Variants in SYN2 observed in about 807,000 individuals in gnomAD.
The protein encoded by SYN2 is synapsin II.
SYN2 carries 19 observed loss-of-function variants against 50.9 expected under a neutral mutation model. That is an observed-to-expected ratio of 0.37 (90% CI 0.26 to 0.55). The LOEUF (loss-of-function observed/expected upper bound fraction) is 0.55. Ranked by LOEUF, SYN2 falls within the 20% of genes least tolerant of loss-of-function variation. SYN2 has a pLI of 0.81. For missense variants in SYN2, 587 were observed against 576.4 expected (o/e 1.02, Z -0.19); for synonymous variants, 255 against 224.9 (o/e 1.13, Z -1.20).
intron 1 of SYN2, among the ~76,000 whole-genome samples, chr3:12,119,521 C>A (rs1043939386): frequency 1.3e-5 from 2 of 152,094 alleles, no homozygotes; most frequent in Non-Finnish European, 2.9e-5. Flanking sequence ...GCTCCTTTTT[C>A]CCCCCTAACA....
At chr3:12,127,249 T>C (rs1418733736) in intron 1 of SYN2, among the ~76,000 whole-genome samples, 3 of 152,176 alleles carry the variant, frequency 2.0e-5, no homozygotes, top group African/African-American at 4.8e-5. Flanking sequence ...GCTGAAAGGA[T>C]GGACAAATTC....
Position 12,140,986 on chromosome 3 carries a change from G to T in SYN2, c.435+278G>T, listed in dbSNP as rs147348777. Among the ~76,000 whole-genome samples the T allele has an allele frequency of 1.2e-4, 19 of 152,146 alleles. No individual in the cohort carries two copies. The East Asian group carries it at 2.1e-3, about 17-fold the overall frequency. On this transcript the variant is annotated intron_variant, in intron 2 of 12. Coordinates refer to ENST00000621198, the MANE Select transcript of SYN2 (RefSeq NM_133625.6). ...TCTTAGCACCCTCTTGCAGTGTAAG[G>T]TTCCCAGACTGAGGAAAACTTTAGA...
At chr3:12,142,118 G>T (rs759733514) in intron 3 of SYN2, 122 bp downstream of exon 3, 6 of 630,094 alleles carry the variant, frequency 9.5e-6, no homozygotes, top group Non-Finnish European at 1.7e-5. Flanking sequence ...ATGGTATACA[G>T]AATTTAATGA....
chr3:12,106,831 AT>A (rs1211343050), intron 1 of SYN2, among the ~76,000 whole-genome samples: 5 of 152,188 alleles, frequency 3.3e-5, no homozygotes, highest in African/African-American at 1.2e-4. Context: ...TGTAGTTTTA[AT>A]AACATGATAG....
chr3:12,104,324 C>G (rs1443856935), intron 1 of SYN2, among the ~76,000 whole-genome samples: 4 of 152,000 alleles, frequency 2.6e-5, no homozygotes, highest in Middle Eastern at 3.4e-3. Flanking sequence ...TTAAAATAGC[C>G]TCAAAATAAA....
intron 1 of SYN2, among the ~76,000 whole-genome samples, chr3:12,129,212 G>A (rs546864431): frequency 4.6e-4 from 70 of 152,264 alleles, no homozygotes; most frequent in Middle Eastern, 3.4e-3. Flanking sequence ...AGAAACATAG[G>A]AGGGAATATG....
In SYN2 at chr3:12,072,006, A is replaced by G. The variant is rs543953051; in HGVS notation, c.377+67078A>G. On this transcript the variant is annotated intron_variant, in intron 1 of 12. Coordinates refer to ENST00000621198, the MANE Select transcript of SYN2 (RefSeq NM_133625.6). Reference sequence around the variant, plus strand: ...CAATTCTTCAAAGAGATGACAACAAATTTTGGTTTTCTACTGTTATGTGAG... The same window carrying G: ...CAATTCTTCAAAGAGATGACAACAAGTTTTGGTTTTCTACTGTTATGTGAG... Among the ~76,000 whole-genome samples, 26 of 152,276 alleles carry G rather than the reference A, an allele frequency of 1.7e-4. No homozygotes were observed. The South Asian group carries it at 5.2e-3, about 30-fold the overall frequency.
At chr3:12,184,339 G>A in intron 11 of SYN2, 1 of 985,850 alleles carries the variant, frequency 1.0e-6, no homozygotes, top group Non-Finnish European at 1.2e-6. Context: ...CGCTTGTGTG[G>A]ACCTGAGGCT....
intron 1 of SYN2, chr3:12,071,712 T>C (rs1358989579): frequency 3.3e-5 from 10 of 303,280 alleles, no homozygotes; most frequent in African/African-American, 2.0e-4. Flanking sequence ...CAGTATCCGA[T>C]CTGTGCAGGG....
intron 1 of SYN2, among the ~76,000 whole-genome samples, chr3:12,047,229 TAAG>T (rs1373959557): frequency 2.0e-5 from 3 of 152,128 alleles, no homozygotes; most frequent in Non-Finnish European, 4.4e-5. Flanking sequence ...TGGTCTTAGA[TAAG>T]AGGAGAGACA....
intron 1 of SYN2, among the ~76,000 whole-genome samples, chr3:12,010,789 G>T (rs986025398): frequency 4.6e-5 from 7 of 152,140 alleles, no homozygotes; most frequent in Non-Finnish European, 1.0e-4. Context: ...GTCAATAAAT[G>T]ACTAAACATT....
intron 3 of SYN2, among the ~76,000 whole-genome samples, chr3:12,142,704 C>A (rs981491882): frequency 1.3e-5 from 2 of 152,086 alleles, no homozygotes; most frequent in Non-Finnish European, 2.9e-5. Context: ...GGAGAGGGGG[C>A]GGCGGGAAAT....
chr3:12,090,940 G>A (rs1249373745), intron 1 of SYN2, among the ~76,000 whole-genome samples: 1 of 152,064 alleles, frequency 6.6e-6, no homozygotes, highest in African/African-American at 2.4e-5. Flanking sequence ...TGTAAATTTG[G>A]CATTCTATTC....
At chr3:12,134,097 T>C (rs1373366571) in intron 1 of SYN2, among the ~76,000 whole-genome samples, 1 of 141,982 alleles carries the variant, frequency 7.0e-6, no homozygotes, top group African/African-American at 3.1e-5. Flanking sequence ...TGGAAAATGT[T>C]GTTATGTCTG....
intron 4 of SYN2, among the ~76,000 whole-genome samples, chr3:12,150,847 C>T (rs960108968): frequency 6.6e-6 from 1 of 152,142 alleles, no homozygotes; most frequent in African/African-American, 2.4e-5. Flanking sequence ...TCATGCCTTG[C>T]GATCACTCAG....
At chr3:12,097,194 A>G (rs1425685682) in intron 1 of SYN2, among the ~76,000 whole-genome samples, 2 of 152,248 alleles carry the variant, frequency 1.3e-5, no homozygotes, top group African/African-American at 4.8e-5. Flanking sequence ...ATTATAAATC[A>G]TGCTGCTATA....
intron 11 of SYN2, chr3:12,184,055 G>T: frequency 7.1e-6 from 7 of 986,222 alleles, no homozygotes; most frequent in Non-Finnish European, 8.4e-6. Flanking sequence ...AAAATTTGGT[G>T]CAGTTTGAGT....
At chr3:12,099,613 A>G (rs1439533787) in intron 1 of SYN2, among the ~76,000 whole-genome samples, 1 of 152,144 alleles carries the variant, frequency 6.6e-6, no homozygotes, top group Non-Finnish European at 1.5e-5. Flanking sequence ...TTGAAAATTA[A>G]TAACCTAACT....
chr3:12,056,042 C>T (rs1467501976), intron 1 of SYN2, among the ~76,000 whole-genome samples: 1 of 152,104 alleles, frequency 6.6e-6, no homozygotes, highest in Non-Finnish European at 1.5e-5. Flanking sequence ...AAAACTGCTA[C>T]TATGGGAAAT....
Sources: gnomAD v4.1 joint callset for allele counts (sites outside exome capture counted in the v4.1 genomes callset) on GRCh38, gnomAD v4.1.1 for gene constraint, MANE v1.5 for transcripts, NCBI Gene and HGNC (gene_info 2026-07-23, HGNC 2026-07-21) for gene names.